Variants in CAMTA1 observed in about 807,000 individuals in gnomAD.
CAMTA1 encodes the protein calmodulin-binding transcription activator 1.
A neutral mutation model predicts 170.9 loss-of-function variants in CAMTA1; 27 were observed. The observed-to-expected ratio is 0.16, with a 90% CI of 0.12 to 0.22. The LOEUF is 0.22. Among genes scored for constraint, CAMTA1 ranks in the 10% least tolerant of loss-of-function variants. The pLI is 1.00. For synonymous variants in CAMTA1, 833 were observed against 891.5 expected, an observed-to-expected ratio of 0.93 and a Z score of 1.17; for missense variants, 1,619 against 2,217.2, an observed-to-expected ratio of 0.73 and a Z score of 5.42.
At chr1:7,034,545 A>AAGC (rs1310053627) in intron 3 of CAMTA1, among the ~76,000 whole-genome samples, 46 of 152,182 alleles carry the variant, frequency 3.0e-4, no homozygotes, top group African/African-American at 1.1e-3. Context: ...TGACTACTTG[A>AAGC]AGCAGCCTCT....
chr1:7,583,482 C>G (rs1012655166), intron 6 of CAMTA1, among the ~76,000 whole-genome samples: 2 of 152,274 alleles, frequency 1.3e-5, no homozygotes, highest in African/African-American at 4.8e-5. Context: ...GGGCTGTCCT[C>G]TGGTGGACCG....
intron 5 of CAMTA1, among the ~76,000 whole-genome samples, chr1:7,296,692 C>T (rs1018619495): frequency 1.3e-5 from 2 of 151,786 alleles, no homozygotes; most frequent in Admixed American, 1.3e-4. Context: ...CTGTTTTGGC[C>T]ACGTCAAGGG....
Position 7,284,296 on chromosome 1 carries a change from C to T in CAMTA1, c.438+34670C>T, listed in dbSNP as rs553416159. Among the ~76,000 whole-genome samples, 203 of 151,406 alleles carry T rather than the reference C, an allele frequency of 1.3e-3. 3 individuals carry two copies. Among genetic ancestry groups the T allele is most frequent in the Middle Eastern group, 0.01 (3 of 292 alleles). ...TTGGCTCACTGCAACCTTTGCCTCC[C>T]GGGTTCAAGCAATTCTCCTGCCTCA... On this transcript the variant is annotated intron_variant, in intron 5 of 22. Transcript: ENST00000303635.
rs577950770 is a variant in CAMTA1, at chr1:7,204,042, G to A, written c.303-45449G>A. On this transcript the variant is annotated intron_variant, in intron 4 of 22. Coordinates refer to ENST00000303635, the MANE Select transcript of CAMTA1 (RefSeq NM_015215.4). Reference sequence around the variant, plus strand: ...TTTAGTAGAGATGGGGTTTCACTGTGTTAGCCAAGATGGTCTCGATCTCCT... The same window carrying A: ...TTTAGTAGAGATGGGGTTTCACTGTATTAGCCAAGATGGTCTCGATCTCCT... Among the ~76,000 whole-genome samples, 12 of 151,696 alleles carry A rather than the reference G, an allele frequency of 7.9e-5. No homozygotes were observed. The East Asian group carries it at 2.1e-3, about 27-fold the overall frequency.
intron 3 of CAMTA1, among the ~76,000 whole-genome samples, chr1:7,036,934 T>C (rs528483889): frequency 6.6e-6 from 1 of 152,216 alleles, no homozygotes; most frequent in Non-Finnish European, 1.5e-5. Context: ...GCGTGGAGGC[T>C]GTGTTTCAGT....
At chr1:7,464,907 C>T (rs548053315) in intron 5 of CAMTA1, among the ~76,000 whole-genome samples, 1 of 152,206 alleles carries the variant, frequency 6.6e-6, no homozygotes, top group African/African-American at 2.4e-5. Context: ...AGGCAGGCTC[C>T]ACCTCTCGCC....
At chr1:7,491,500 T>C (rs1310260978) in intron 6 of CAMTA1, among the ~76,000 whole-genome samples, 1 of 152,226 alleles carries the variant, frequency 6.6e-6, no homozygotes, top group Non-Finnish European at 1.5e-5. Context: ...GTCCAATTGC[T>C]TAAAACAGGG....
chr1:7,319,428 C>T (rs1453126822), intron 5 of CAMTA1, among the ~76,000 whole-genome samples: 1 of 152,132 alleles, frequency 6.6e-6, no homozygotes, highest in Non-Finnish European at 1.5e-5. Context: ...CTTCCTCCTG[C>T]CCCGGCCATG....
At chr1:7,617,539 A>T (rs1279423936) in intron 6 of CAMTA1, among the ~76,000 whole-genome samples, 3 of 152,122 alleles carry the variant, frequency 2.0e-5, no homozygotes, top group African/African-American at 7.2e-5. Flanking sequence ...CATATCAGCA[A>T]AGCAAATAAG....
At chr1:7,564,317 G>A (rs942990169) in intron 6 of CAMTA1, among the ~76,000 whole-genome samples, 2 of 152,250 alleles carry the variant, frequency 1.3e-5, no homozygotes, top group Non-Finnish European at 2.9e-5. Context: ...TCCCGGAGAC[G>A]GCGTGCTGTC....
intron 6 of CAMTA1, among the ~76,000 whole-genome samples, chr1:7,613,954 G>T (rs2095541658): frequency 6.7e-6 from 1 of 148,590 alleles, no homozygotes. Context: ...GACCTGGAGG[G>T]GTGAGGAGAG....
At chr1:7,061,315 C>T (rs1256029495) in intron 3 of CAMTA1, among the ~76,000 whole-genome samples, 2 of 152,216 alleles carry the variant, frequency 1.3e-5, no homozygotes, top group South Asian at 2.1e-4. Context: ...TCCACAAATA[C>T]GTGTCCACCG....
chr1:7,356,784 T>A (rs1210702458), intron 5 of CAMTA1, among the ~76,000 whole-genome samples: 1 of 152,242 alleles, frequency 6.6e-6, no homozygotes, highest in Non-Finnish European at 1.5e-5. Context: ...AAATCCTGCC[T>A]CTTCCATCTA....
rs925050954 is a variant in CAMTA1, at chr1:7,014,610, C to T, written c.235-76694C>T. ...TGTTTTAAGGCAGCAAAACAGCGTG[C>T]GAGCTTGGTCCCTTAACACGGAGTC... On this transcript the variant is annotated intron_variant, in intron 3 of 22. Transcript: ENST00000303635. The surrounding 1 kb of genome is among the most constrained non-coding windows in gnomAD (Gnocchi z 4.2). 3.3e-5 allele frequency among the ~76,000 whole-genome samples: 5 copies of T among 152,184 alleles called. No individual in the cohort carries two copies. Among genetic ancestry groups the T allele is most frequent in the Non-Finnish European group, 5.9e-5 (4 of 68,026 alleles).
chr1:7,149,500 G>C (rs1230155038), intron 4 of CAMTA1, among the ~76,000 whole-genome samples: 1 of 152,226 alleles, frequency 6.6e-6, no homozygotes, highest in Non-Finnish European at 1.5e-5. Context: ...GTCTGGTTTC[G>C]TAACGGCCGT....
Position 7,248,391 on chromosome 1 carries a change from C to T in CAMTA1, c.303-1100C>T, listed in dbSNP as rs765280299. Among the ~76,000 whole-genome samples, 54 of 152,274 alleles carry T rather than the reference C, an allele frequency of 3.5e-4. No homozygotes were observed. The highest frequency in any genetic ancestry group is 6.0e-4 in the Non-Finnish European group (41 of 68,018). On this transcript the variant is annotated intron_variant, in intron 4 of 22. Transcript: ENST00000303635. The surrounding 1 kb of genome is among the most constrained non-coding windows in gnomAD (Gnocchi z 4.0). ...TTATTTGTGTAAAGAGCTCTCTGGC[C>T]GTGGCTGAGAGTGAGGTGGCAAGCC...
At chr1:7,563,105 TGTGTCCA>T (rs1230747001) in intron 6 of CAMTA1, among the ~76,000 whole-genome samples, 1 of 152,202 alleles carries the variant, frequency 6.6e-6, no homozygotes. Context: ...CCCAAGCTAT[TGTGTCCA>T]GTGTCCAGGG....
Position 7,737,326 on chromosome 1 carries a change from G to A in CAMTA1, c.3414G>A (p.Ser1138=), listed in dbSNP as rs756637047. The A allele has an allele frequency of 2.2e-5, 36 of 1,614,060 alleles. No homozygotes were observed. The highest frequency in any genetic ancestry group is 6.7e-5 in the East Asian group (3 of 44,892). Residue 1138 remains serine, a synonymous_variant, in exon 15 of 23, where the codon TCG becomes TCA. Coordinates refer to ENST00000303635, the MANE Select transcript of CAMTA1 (RefSeq NM_015215.4). ...ACAAGTGGGACCGTCGGGCCATCTC[G>A]ATTCCCGACTCTCTAGGAAGGCTGC... ...VLYKWDRRAI[S]IPDSLGRLPL... is the part of the protein sequence containing the mutation.
chr1:6,994,267 C>G (rs1696848699), intron 3 of CAMTA1, among the ~76,000 whole-genome samples: 1 of 152,080 alleles, frequency 6.6e-6, no homozygotes, highest in African/African-American at 2.4e-5. Context: ...TTTGGAAGAT[C>G]TTTGTTTCTT....
Sources: allele counts gnomAD v4.1 joint callset (sites outside exome capture counted in the v4.1 genomes callset), GRCh38; gene constraint gnomAD v4.1.1; non-coding constraint Gnocchi (gnomAD v3.1); transcripts MANE v1.5; gene names NCBI Gene and HGNC (gene_info 2026-07-23, HGNC 2026-07-21).